The following MYO18B variants were observed in gnomAD, a reference collection of about 807,000 sequenced individuals.
MYO18B encodes unconventional myosin-XVIIIb.
In MYO18B, 204 loss-of-function variants were observed where a neutral mutation model predicts 273.0. The ratio of observed to expected loss-of-function variants is 0.75; its 90% CI spans 0.67 to 0.84. The LOEUF (loss-of-function observed/expected upper bound fraction) is 0.84, where lower values mean the gene tolerates loss of function less well. Among genes scored for constraint, MYO18B ranks in the 40% least tolerant of loss-of-function variants. MYO18B has a pLI of 0.00. For synonymous variants in MYO18B, 1,330 were observed against 1,305.7 expected (o/e 1.02, Z -0.40); for missense variants, 3,212 against 3,287.6 (o/e 0.98, Z 0.56).
At chr22:26,005,319 G>A (rs1468881618) in intron 42 of MYO18B, among the ~76,000 whole-genome samples, 1 of 152,054 alleles carries the variant, frequency 6.6e-6, no homozygotes, top group African/African-American at 2.4e-5. Context: ...TCATTATAAA[G>A]AAATTGGGCC....
At chr22:25,975,378 G>A (rs1197755894) in intron 39 of MYO18B, among the ~76,000 whole-genome samples, 3 of 152,132 alleles carry the variant, frequency 2.0e-5, no homozygotes, top group Non-Finnish European at 2.9e-5. Context: ...TGTGAGCCCC[G>A]GCATCCTAAT....
intron 33 of MYO18B, among the ~76,000 whole-genome samples, chr22:25,911,515 C>T (rs562189249): frequency 6.6e-6 from 1 of 152,298 alleles, no homozygotes; most frequent in South Asian, 2.1e-4. Context: ...AGAGTGGAGC[C>T]TTATGGGGTT....
chr22:26,035,998 C>T (rs1385188692), downstream of MYO18B, among the ~76,000 whole-genome samples: 6 of 152,210 alleles, frequency 3.9e-5, no homozygotes, highest in Admixed American at 3.9e-4. Context: ...GCCCCTGGCT[C>T]TCTGCAGAGT....
At chr22:26,006,393 C>A in intron 42 of MYO18B, 1 of 222,592 alleles carries the variant, frequency 4.5e-6, no homozygotes, top group Admixed American at 4.5e-5. Flanking sequence ...GCACTTTTTA[C>A]ATTGTAATGG....
chr22:25,838,606 A>G (rs1172153270), intron 17 of MYO18B, among the ~76,000 whole-genome samples: 3 of 152,166 alleles, frequency 2.0e-5, no homozygotes, highest in African/African-American at 7.2e-5. Flanking sequence ...AGTACTTACC[A>G]TTGTGTTATG....
chr22:26,060,242 A>C, the MYO18B span, among the ~76,000 whole-genome samples: 1 of 152,256 alleles, frequency 6.6e-6, no homozygotes, highest in African/African-American at 2.4e-5. Context: ...GCTTTGAACT[A>C]CAACAGAAGA....
chr22:25,850,326 T>A (rs1413024683), intron 20 of MYO18B, among the ~76,000 whole-genome samples: 1 of 152,116 alleles, frequency 6.6e-6, no homozygotes, highest in Non-Finnish European at 1.5e-5. Context: ...TGCGCTCAAT[T>A]TCCTTTGGGA....
chr22:26,033,817 C>G, downstream of MYO18B, among the ~76,000 whole-genome samples: 1 of 104,854 alleles, frequency 9.5e-6, no homozygotes, highest in South Asian at 2.4e-4. Flanking sequence ...TTCTTTTTCT[C>G]TTCCTCCCTT....
the MYO18B span, among the ~76,000 whole-genome samples, chr22:26,038,445 G>T: frequency 6.6e-6 from 1 of 152,210 alleles, no homozygotes; most frequent in Non-Finnish European, 1.5e-5. Flanking sequence ...GGTTCTCTTG[G>T]TATCATAACT....
At chr22:25,809,457 G>T (rs1164818548) in intron 12 of MYO18B, among the ~76,000 whole-genome samples, 3 of 152,172 alleles carry the variant, frequency 2.0e-5, no homozygotes, top group Admixed American at 2.0e-4. Context: ...AGGCCCATGG[G>T]TTATTTAGTT....
intron 27 of MYO18B, among the ~76,000 whole-genome samples, chr22:25,894,051 A>C (rs569280721): frequency 6.6e-6 from 1 of 152,326 alleles, no homozygotes; most frequent in African/African-American, 2.4e-5. Context: ...TTCCAGTGGA[A>C]GTTATTGAGC....
At chr22:26,004,696 G>A (rs1319368984) in intron 41 of MYO18B, 22 bp from the exon 42 acceptor site, 1 of 1,612,642 alleles carries the variant, frequency 6.2e-7, no homozygotes. Flanking sequence ...TGTGCTGATG[G>A]TGTCCTGCAA....
chr22:25,898,415 G>C lies in MYO18B; in HGVS notation c.4777G>C (p.Glu1593Gln), dbSNP rs1355126416. The stretch of plus-strand genomic sequence containing the variant: ...CCTTGAGGATACCTGCGTCCTGCTA[G>C]AGAACCAACAAAGTCGAAACCATGA... ...CDLEDTCVLL[E>Q]NQQSRNHELE... Residue 1593 changes from glutamate (E) to glutamine (Q), a missense_variant, in exon 29 of 44, where the codon GAG becomes CAG. Coordinates refer to ENST00000335473, the MANE Select transcript of MYO18B (RefSeq NM_032608.7). The C allele has an allele frequency of 1.2e-6, 2 of 1,613,804 alleles. No homozygotes were observed.
chr22:26,025,743 A>G (rs953943683), intron 42 of MYO18B, among the ~76,000 whole-genome samples: 3 of 152,198 alleles, frequency 2.0e-5, no homozygotes, highest in Non-Finnish European at 2.9e-5. Context: ...TTTACAGTCT[A>G]TAATTTGGTC....
intron 34 of MYO18B, among the ~76,000 whole-genome samples, chr22:25,936,765 C>T (rs974127910): frequency 1.3e-5 from 2 of 152,164 alleles, no homozygotes; most frequent in African/African-American, 4.8e-5. Flanking sequence ...TCCTGGCCTA[C>T]AGACAGACAA....
At chr22:25,748,246 A>T (rs908222943) in intron 1 of MYO18B, among the ~76,000 whole-genome samples, 1 of 152,084 alleles carries the variant, frequency 6.6e-6, no homozygotes, top group Non-Finnish European at 1.5e-5. Context: ...TGTCCTGGGG[A>T]GGTAGCTCTC....
chr22:25,908,813 G>A (rs1006919768), intron 32 of MYO18B, among the ~76,000 whole-genome samples: 1 of 152,088 alleles, frequency 6.6e-6, no homozygotes, highest in Non-Finnish European at 1.5e-5. Context: ...TAGCCATTCC[G>A]AACAGTGTGT....
At chr22:26,035,990 C>A (rs1936770406), downstream of MYO18B, among the ~76,000 whole-genome samples, 1 of 152,186 alleles carries the variant, frequency 6.6e-6, no homozygotes, top group Non-Finnish European at 1.5e-5. Context: ...GTTTCAAGGC[C>A]CCTGGCTCTC....
At chr22:25,860,620 T>A (rs145712539) in intron 21 of MYO18B, among the ~76,000 whole-genome samples, 4 of 152,336 alleles carry the variant, frequency 2.6e-5, no homozygotes, top group Admixed American at 2.0e-4. Context: ...AATTTCTACA[T>A]ATTTGGAACT....
Sources: gnomAD v4.1 joint callset for allele counts (sites outside exome capture counted in the v4.1 genomes callset) on GRCh38, gnomAD v4.1.1 for gene constraint, MANE v1.5 for transcripts, NCBI Gene and HGNC (gene_info 2026-07-23, HGNC 2026-07-21) for gene names.